Variants in DAP observed in about 807,000 individuals in gnomAD.
DAP encodes death-associated protein 1.
A neutral mutation model predicts 13.8 loss-of-function variants in DAP; 8 were observed. The ratio of observed to expected loss-of-function variants is 0.58; its 90% CI spans 0.34 to 1.05. The LOEUF (loss-of-function observed/expected upper bound fraction) is 1.05, where lower values mean the gene tolerates loss of function less well. Among genes scored for constraint, DAP ranks in the 50% least tolerant of loss-of-function variants. DAP has a pLI of 0.03. For synonymous variants in DAP, 47 were observed against 47.5 expected (o/e 0.99, Z 0.04); for missense variants, 106 against 133.2 (o/e 0.80, Z 1.01).
intron 2 of DAP, among the ~76,000 whole-genome samples, chr5:10,689,450 T>G (rs3776414): frequency 0.49 from 73,842 of 151,844 alleles, 19,576 homozygotes; most frequent in East Asian, 0.75. Context: ...TCCACAGGAG[T>G]CATTCACAGA....
chr5:10,746,336 T>G (rs1316086119), intron 2 of DAP, among the ~76,000 whole-genome samples: 4 of 151,578 alleles, frequency 2.6e-5, no homozygotes, highest in Admixed American at 2.6e-4. Flanking sequence ...TTTTTTTGTT[T>G]TTTTTTTTTT....
chr5:10,746,826 G>A (rs954594284), intron 2 of DAP, among the ~76,000 whole-genome samples: 1 of 152,130 alleles, frequency 6.6e-6, no homozygotes, highest in African/African-American at 2.4e-5. Context: ...TACTCAATGG[G>A]GAAGGCCACT....
At chr5:10,746,555 C>T (rs1739911854) in intron 2 of DAP, among the ~76,000 whole-genome samples, 1 of 152,044 alleles carries the variant, frequency 6.6e-6, no homozygotes, top group African/African-American at 2.4e-5. Context: ...GTCTCGCACC[C>T]CTGACCTCAA....
At chr5:10,746,207 C>A (rs1003248433) in intron 2 of DAP, among the ~76,000 whole-genome samples, 2 of 152,156 alleles carry the variant, frequency 1.3e-5, no homozygotes, top group Non-Finnish European at 2.9e-5. Flanking sequence ...TTCTAAAATA[C>A]GTCGGGCCGC....
At chr5:10,735,031 C>G (rs974082947) in intron 2 of DAP, among the ~76,000 whole-genome samples, 1 of 152,168 alleles carries the variant, frequency 6.6e-6, no homozygotes, top group Non-Finnish European at 1.5e-5. Flanking sequence ...TTGCAACATA[C>G]CCATGACTCC....
In DAP at chr5:10,680,905, T is replaced by C. The variant is rs1199048199; in HGVS notation, c.*151A>G. Reference sequence around the variant, plus strand: ...GGCTGGAGCTGTTTCTAGTTTTAAATATGGAAATGTAAGGCAAAGGACAGA... The same window carrying C: ...GGCTGGAGCTGTTTCTAGTTTTAAACATGGAAATGTAAGGCAAAGGACAGA... On this transcript the variant is annotated 3_prime_UTR_variant, in exon 4 of 4. Transcript: ENST00000230895. 2 of 1,537,526 alleles carry C rather than the reference T, an allele frequency of 1.3e-6. No homozygotes were observed. Among genetic ancestry groups the C allele is most frequent in the Non-Finnish European group, 1.7e-6 (2 of 1,146,984 alleles).
At chr5:10,730,210 T>C (rs568884568) in intron 2 of DAP, among the ~76,000 whole-genome samples, 6 of 152,366 alleles carry the variant, frequency 3.9e-5, no homozygotes, top group Admixed American at 1.3e-4. Context: ...TGCTCACTAA[T>C]GTGTCCCCAC....
chr5:10,682,409 G>A (rs1319218664), intron 3 of DAP, among the ~76,000 whole-genome samples: 1 of 150,626 alleles, frequency 6.6e-6, no homozygotes, highest in Non-Finnish European at 1.5e-5. Context: ...TGTGGGTGAG[G>A]AAGCCCCATA....
In DAP at chr5:10,742,741, C is replaced by T. The variant is rs759605246; in HGVS notation, c.152+5434G>A. 4.6e-5 allele frequency among the ~76,000 whole-genome samples: 7 copies of T among 152,200 alleles called. No individual in the cohort carries two copies. The South Asian group carries it at 6.2e-4, about 14-fold the overall frequency. On this transcript the variant is annotated intron_variant, in intron 2 of 3. Transcript: ENST00000230895. ...GGAATCAACTACTTCTCCAAGGAACCGTGGTTCCTCTGACTGGGGAATGGT... is the reference window on the plus strand; with the variant it reads ...GGAATCAACTACTTCTCCAAGGAACTGTGGTTCCTCTGACTGGGGAATGGT...
At chr5:10,728,761 G>A (rs995784369) in intron 2 of DAP, among the ~76,000 whole-genome samples, 1 of 152,206 alleles carries the variant, frequency 6.6e-6, no homozygotes, top group Non-Finnish European at 1.5e-5. Flanking sequence ...CCACGAAGAA[G>A]GTCTGGAGAG....
intron 2 of DAP, among the ~76,000 whole-genome samples, chr5:10,701,984 C>T (rs1378935592): frequency 6.6e-6 from 1 of 152,226 alleles, no homozygotes; most frequent in Non-Finnish European, 1.5e-5. Flanking sequence ...AACTTCAAGG[C>T]TGGCTCATGT....
chr5:10,690,165 G>A (rs1378160453), intron 2 of DAP, among the ~76,000 whole-genome samples: 3 of 152,176 alleles, frequency 2.0e-5, no homozygotes, highest in Non-Finnish European at 4.4e-5. Context: ...TTATCGAGCC[G>A]CAAGAGGCGA....
chr5:10,699,634 T>A (rs77855193), intron 2 of DAP, among the ~76,000 whole-genome samples: 57 of 152,250 alleles, frequency 3.7e-4, no homozygotes, highest in African/African-American at 1.3e-3. Flanking sequence ...ACAAGACTGA[T>A]CCTCCATCAG....
intron 2 of DAP, among the ~76,000 whole-genome samples, chr5:10,708,225 T>C (rs1038497437): frequency 2.6e-5 from 4 of 152,230 alleles, no homozygotes; most frequent in Non-Finnish European, 4.4e-5. Context: ...ATGGCTTTCC[T>C]ACATTTTCAG....
intron 2 of DAP, among the ~76,000 whole-genome samples, chr5:10,738,862 G>A (rs1195959949): frequency 2.6e-5 from 4 of 152,160 alleles, no homozygotes; most frequent in Non-Finnish European, 4.4e-5. Flanking sequence ...AAGAAAGTTC[G>A]TATAAACAGA....
chr5:10,713,704 G>A (rs1291179259), intron 2 of DAP, among the ~76,000 whole-genome samples: 2 of 152,256 alleles, frequency 1.3e-5, no homozygotes, highest in African/African-American at 2.4e-5. Flanking sequence ...CCAGCAAGGA[G>A]CCGTCCCTCC....
At chr5:10,756,599 T>A (rs772201127) in intron 1 of DAP, among the ~76,000 whole-genome samples, 5 of 152,250 alleles carry the variant, frequency 3.3e-5, no homozygotes, top group Non-Finnish European at 7.3e-5. Flanking sequence ...AGTCTGCTTT[T>A]CAAAGAAAAC....
intron 1 of DAP, among the ~76,000 whole-genome samples, chr5:10,755,042 G>A (rs1740148612): frequency 6.6e-6 from 1 of 152,218 alleles, no homozygotes; most frequent in Admixed American, 6.5e-5. Context: ...GCTATTCTGT[G>A]CTTAGAATCA....
intron 2 of DAP, among the ~76,000 whole-genome samples, chr5:10,693,799 C>T (rs997355576): frequency 6.6e-6 from 1 of 152,172 alleles, no homozygotes; most frequent in African/African-American, 2.4e-5. Flanking sequence ...TTTATTCAAC[C>T]AGACAGTACA....
Sources: allele counts gnomAD v4.1 joint callset (sites outside exome capture counted in the v4.1 genomes callset), GRCh38; gene constraint gnomAD v4.1.1; transcripts MANE v1.5; gene names NCBI Gene and HGNC (gene_info 2026-07-23, HGNC 2026-07-21).